DDX27: variants seen among roughly 807,000 people sequenced by gnomAD.
DDX27 encodes the protein DEAD-box helicase 27, also known as probable ATP-dependent RNA helicase DDX27.
A neutral mutation model predicts 99.3 loss-of-function variants in DDX27; 42 were observed. The observed-to-expected ratio is 0.42, with a 90% confidence interval of 0.33 to 0.55. The LOEUF (loss-of-function observed/expected upper bound fraction) is 0.55, where lower values mean the gene tolerates loss of function less well. Ranked by LOEUF, DDX27 falls within the 20% of genes least tolerant of loss-of-function variation. The probability of loss-of-function intolerance (pLI) is 0.07; values close to 1 mark genes in which losing one functional copy is unlikely to be tolerated. For missense variants in DDX27, 798 were observed against 976.8 expected (o/e 0.82, Z 2.44); for synonymous variants, 329 against 353.8 (o/e 0.93, Z 0.79).
In DDX27 at chr20:49,226,345, C is replaced by T. The variant is rs1396082874; in HGVS notation, c.601-85C>T. The T allele has an allele frequency of 4.2e-6, 4 of 962,202 alleles. 1 individual carries two copies. In the Admixed American group the frequency reaches 7.0e-5, roughly 17 times the overall value. The allele number at this position is 962,202 out of a possible 1,614,324, so 59.6% of individuals were successfully genotyped here. ...TGATTGGTGGGGATTGGTGTGGTCCCCACTTGTCTGGAAACCTGCCCTGTT... is the reference window on the plus strand; with the variant it reads ...TGATTGGTGGGGATTGGTGTGGTCCTCACTTGTCTGGAAACCTGCCCTGTT... On this transcript the variant is annotated intron_variant, in intron 6 of 20. Coordinates refer to ENST00000618172, the MANE Select transcript of DDX27 (RefSeq NM_017895.8).
At position 49,234,964 on chromosome 20, in the gene DDX27, G is replaced by A; in HGVS notation, c.1303G>A (p.Val435Met). 1 of 1,612,100 alleles carries A rather than the reference G, an allele frequency of 6.2e-7. No homozygotes were observed. Among genetic ancestry groups the A allele is most frequent in the Non-Finnish European group, 8.5e-7 (1 of 1,178,944 alleles). Residue 435 changes from valine (V) to methionine (M), a missense_variant, in exon 12 of 21, where the codon GTG becomes ATG. Physicochemically the swap from Val to Met is conservative, Grantham distance 21. Around this residue, in one of 2 missense-constraint regions of DDX27, gnomAD observed 553 missense variants for 727.9 expected, o/e 0.76. Transcript: ENST00000618172. Reference sequence around the variant, plus strand: ...GTTGACGAGGACCTTCACTGACCATGTGATGCTGTTCACGCAAACCAAGAA... The same window carrying A: ...GTTGACGAGGACCTTCACTGACCATATGATGCTGTTCACGCAAACCAAGAA... ...ALLTRTFTDHVMLFTQTKKQA... is the reference protein window; with the variant it reads ...ALLTRTFTDHMMLFTQTKKQA...
chr20:49,244,025 A>G lies in DDX27; in HGVS notation c.*191A>G. 1.5e-6 allele frequency: 1 copy of G among 646,128 alleles called. No homozygotes were observed. Among genetic ancestry groups the G allele is most frequent in the Non-Finnish European group, 2.7e-6 (1 of 376,912 alleles). The allele number at this position is 646,128 out of a possible 1,614,324, so 40.0% of individuals were successfully genotyped here. On this transcript the variant is annotated 3_prime_UTR_variant, in exon 21 of 21. Coordinates refer to ENST00000618172, the MANE Select transcript of DDX27 (RefSeq NM_017895.8). ...CTGTCAATCTCCCTTCTTGCTGATTAGCTTTCATATGACTATATTAAATGG... is the reference window on the plus strand; with the variant it reads ...CTGTCAATCTCCCTTCTTGCTGATTGGCTTTCATATGACTATATTAAATGG...
At chr20:49,234,837 G>C in intron 11 of DDX27, 98 bp from the exon 12 acceptor site, 1 of 1,388,958 alleles carries the variant, frequency 7.2e-7, no homozygotes, top group South Asian at 1.4e-5. Flanking sequence ...TGTCTATCCA[G>C]TGCCAGGCAC....
At chr20:49,228,618 C>T (rs1157516410) in intron 7 of DDX27, 97 bp from the exon 8 acceptor site, 1 of 1,181,722 alleles carries the variant, frequency 8.5e-7, no homozygotes. Context: ...CCTTTATTTT[C>T]CCCAACCAGA....
Position 49,224,945 on chromosome 20 carries a change from A to T in DDX27, c.467A>T (p.Asp156Val). ...SADENILTKA[D>V]TLKVKDRKKK... ...TCATCAGCTAAGTTTTTCTCCATAG[A>T]TACACTCAAAGTAAAGGATCGGAAG... is the stretch of plus-strand genomic sequence containing the variant. Residue 156 changes from aspartate to valine, a missense_variant and splice_region_variant, in exon 5 of 21, where the codon GAT (aspartate) becomes GTT (valine). Physicochemically the swap from Asp to Val is radical, Grantham distance 152. This residue lies in a region of DDX27 where 245 missense variants were observed against 248.8 expected (regional missense o/e 0.98). Coordinates refer to ENST00000618172, the MANE Select transcript of DDX27 (RefSeq NM_017895.8). 5.0e-6 allele frequency: 8 copies of T among 1,614,158 alleles called. No individual in the cohort carries two copies. The highest frequency in any genetic ancestry group is 6.8e-6 in the Non-Finnish European group (8 of 1,180,036).
intron 1 of DDX27, among the ~76,000 whole-genome samples, chr20:49,220,300 T>C (rs1040813793): frequency 1.3e-5 from 2 of 152,112 alleles, no homozygotes; most frequent in African/African-American, 2.4e-5. Context: ...CATGAATCTC[T>C]CTTAAGCTTC....
intron 5 of DDX27, 42 bp from the exon 6 acceptor site, chr20:49,225,070 CT>C: frequency 6.2e-7 from 1 of 1,612,472 alleles, no homozygotes; most frequent in Non-Finnish European, 8.5e-7. Flanking sequence ...TTTCTTGGCT[CT>C]TTTTGTTGAA....
At position 49,236,515 on chromosome 20, in the gene DDX27, G is replaced by A; in HGVS notation, c.1687+5G>A. The A allele has an allele frequency of 6.4e-7, 1 of 1,573,896 alleles. No homozygotes were observed. The highest frequency in any genetic ancestry group is 1.2e-5 in the South Asian group (1 of 84,292). ...AGGCCAGGATACTTCCCCAAGGTGA[G>A]CAGGCACCCCTGTGGCAGTGCAGAA... On this transcript the variant is annotated splice_donor_5th_base_variant and intron_variant, in intron 14 of 20. Coordinates refer to ENST00000618172, the MANE Select transcript of DDX27 (RefSeq NM_017895.8). This position sits in a 1 kb window ranked among gnomAD's most constrained non-coding sequence, Gnocchi z 4.1.
Position 49,225,207 on chromosome 20 carries a change from C to G in DDX27, c.600+8C>G. 6.2e-7 allele frequency: 1 copy of G among 1,612,220 alleles called. No homozygotes were observed. Among genetic ancestry groups the G allele is most frequent in the Non-Finnish European group, 8.5e-7 (1 of 1,178,352 alleles). On this transcript the variant is annotated splice_region_variant and intron_variant, in intron 6 of 20. Transcript: ENST00000618172. ...TCCCGCCCTCTTCTGAAGGTAGCAG[C>G]TTCTTGTCAAAAATTTTCTTTGTAG...
intron 11 of DDX27, chr20:49,234,281 T>C (rs573319681): frequency 7.8e-5 from 12 of 152,884 alleles, no homozygotes; most frequent in African/African-American, 2.9e-4. Context: ...TTTTTTTCTT[T>C]GAGGCAGAGT....
At chr20:49,222,380 A>T (rs1258141016) in intron 2 of DDX27, among the ~76,000 whole-genome samples, 1 of 142,916 alleles carries the variant, frequency 7.0e-6, no homozygotes, top group Non-Finnish European at 1.5e-5. Flanking sequence ...TACCATCTTG[A>T]CTCACTGCAA....
intron 14 of DDX27, 84 bp from the exon 15 acceptor site, chr20:49,238,865 C>T (rs1211550341): frequency 1.2e-6 from 1 of 835,074 alleles, no homozygotes; most frequent in Non-Finnish European, 1.8e-6. Context: ...CCACCTCAAT[C>T]TCCCAGAGTG....
Position 49,221,683 on chromosome 20 carries a change from G to T in DDX27, c.240+85G>T. ...TTCAGGGCCTAGCCCTGACCTGACTGACCATCTGTTTACATTCAGCAGATA... is the reference window on the plus strand; with the variant it reads ...TTCAGGGCCTAGCCCTGACCTGACTTACCATCTGTTTACATTCAGCAGATA... On this transcript the variant is annotated intron_variant, in intron 2 of 20. Coordinates refer to ENST00000618172, the MANE Select transcript of DDX27 (RefSeq NM_017895.8). 3 of 1,264,418 alleles carry T rather than the reference G, an allele frequency of 2.4e-6. No individual in the cohort carries two copies. The South Asian group carries it at 4.9e-5, about 21-fold the overall frequency. 78.3% of individuals were successfully genotyped at this position (1,264,418 alleles called of 1,614,324 possible). A position where few individuals can be genotyped will look rare whatever the true frequency, so the allele number is the denominator to read the frequency against.
At chr20:49,234,794 G>C (rs1473016360) in intron 11 of DDX27, 141 bp from the exon 12 acceptor site, 1 of 991,138 alleles carries the variant, frequency 1.0e-6, no homozygotes, top group East Asian at 3.0e-5. Context: ...TATCCACCCT[G>C]GAATTTGAGT....
At chr20:49,221,624 CCA>C (rs751063371) in intron 2 of DDX27, 26 bp downstream of exon 2, 1 of 1,559,908 alleles carries the variant, frequency 6.4e-7, no homozygotes, top group South Asian at 1.2e-5. Flanking sequence ...ATGGACAGCT[CCA>C]GACTTTGGGC....
chr20:49,242,796 A>G, intron 19 of DDX27, 115 bp downstream of exon 19: 2 of 975,890 alleles, frequency 2.0e-6, no homozygotes, highest in Non-Finnish European at 3.1e-6. Flanking sequence ...ATCTTAGCTC[A>G]CTGCAAGCTC....
chr20:49,233,770 T>C (rs1980209769), intron 11 of DDX27, 61 bp downstream of exon 11: 1 of 1,582,906 alleles, frequency 6.3e-7, no homozygotes, highest in Non-Finnish European at 8.6e-7. Context: ...GCTCGTAGTA[T>C]CCATGCTGAA....
chr20:49,227,243 A>G (rs1979931631), intron 7 of DDX27, among the ~76,000 whole-genome samples: 1 of 152,180 alleles, frequency 6.6e-6, no homozygotes, highest in Non-Finnish European at 1.5e-5. Context: ...AATAGTGCAT[A>G]GGGTCTCTCG....
In DDX27 at chr20:49,233,356, G is replaced by A; in HGVS notation, c.1082G>A (p.Cys361Tyr). 6.2e-7 allele frequency: 1 copy of A among 1,614,080 alleles called. No homozygotes were observed. The highest frequency in any genetic ancestry group is 8.5e-7 in the Non-Finnish European group (1 of 1,180,026). Reference protein sequence around the residue: ...EEQMKEIIRMCSHHRQTMLFS... With the variant: ...EEQMKEIIRMYSHHRQTMLFS... ...CAGATGAAGGAGATCATCCGAATGT[G>A]TTCCCACCACCGCCAGACCATGCTC... Residue 361 changes from cysteine (C) to tyrosine (Y), a missense_variant, in exon 10 of 21, where the codon TGT becomes TAT. By Grantham distance (194) the Cys-to-Tyr change is radical (BLOSUM62 -2). Coordinates refer to ENST00000618172, the MANE Select transcript of DDX27 (RefSeq NM_017895.8).
Sources: allele counts gnomAD v4.1 joint callset (sites outside exome capture counted in the v4.1 genomes callset), GRCh38; gene constraint gnomAD v4.1.1; regional missense constraint gnomAD v4.1.1; non-coding constraint Gnocchi (gnomAD v3.1); transcripts MANE v1.5; gene names NCBI Gene and HGNC (gene_info 2026-07-23, HGNC 2026-07-21).